PCDHA3: variants seen among roughly 807,000 people sequenced by gnomAD.
PCDHA3 encodes the protein protocadherin alpha-3.
A neutral mutation model predicts 62.2 loss-of-function variants in PCDHA3; 41 were observed. That is an observed-to-expected ratio of 0.66 (90% CI 0.51 to 0.86). PCDHA3 has a LOEUF of 0.86. Ranked by LOEUF, PCDHA3 falls within the 40% of genes least tolerant of loss-of-function variation. The pLI is 0.00. For missense variants in PCDHA3, 1,304 were observed against 1,241.2 expected (o/e 1.05, Z -0.76); for synonymous variants, 640 against 555.4 (o/e 1.15, Z -2.14).
intron 3 of PCDHA3, among the ~76,000 whole-genome samples, chr5:140,991,200 A>C (rs2097437692): frequency 6.6e-6 from 1 of 152,234 alleles, no homozygotes; most frequent in Admixed American, 6.5e-5. Context: ...AATGATGCTC[A>C]ATAAATTTTG....
rs368166956 is a variant in PCDHA3, at chr5:140,870,187, G to T, written c.2394+66596G>T. On this transcript the variant is annotated intron_variant, in intron 1 of 3. Coordinates refer to ENST00000522353, the MANE Select transcript of PCDHA3 (RefSeq NM_018906.3). Reference sequence around the variant, plus strand: ...CTTGTCCCTCCCAGTACGAGAGGACGCTCAGCCCAGCACGGTCATTGCCCT... The same window carrying T: ...CTTGTCCCTCCCAGTACGAGAGGACTCTCAGCCCAGCACGGTCATTGCCCT... 55 of 1,614,092 alleles carry T rather than the reference G, an allele frequency of 3.4e-5. No individual in the cohort carries two copies. The African/African-American group carries it at 6.5e-4, about 19-fold the overall frequency.
At chr5:140,946,546 A>G (rs1418590491) in intron 1 of PCDHA3, among the ~76,000 whole-genome samples, 5 of 150,480 alleles carry the variant, frequency 3.3e-5, no homozygotes, top group Admixed American at 1.3e-4. Flanking sequence ...AGCATTATTC[A>G]TGATAGTTCA....
chr5:140,907,914 T>A (rs2073690399), intron 1 of PCDHA3, among the ~76,000 whole-genome samples: 4 of 152,242 alleles, frequency 2.6e-5, no homozygotes, highest in Admixed American at 1.3e-4. Context: ...TTTTGACCAC[T>A]CAGAGAGGTC....
chr5:140,967,908 A>G (rs554849478), intron 1 of PCDHA3: 5 of 1,614,138 alleles, frequency 3.1e-6, no homozygotes, highest in East Asian at 2.2e-5. Flanking sequence ...GCTACACCCA[A>G]CACCATTGTG....
chr5:140,909,945 A>C (rs540241627), intron 1 of PCDHA3, among the ~76,000 whole-genome samples: 3 of 152,316 alleles, frequency 2.0e-5, no homozygotes, highest in Non-Finnish European at 4.4e-5. Context: ...ACTCTGGTAA[A>C]AAGCCGTAGG....
chr5:140,821,618 T>C, intron 1 of PCDHA3: 1 of 858,038 alleles, frequency 1.2e-6, no homozygotes, highest in Non-Finnish European at 1.7e-6. Context: ...TGAGTAGATT[T>C]TCCTTAGACA....
chr5:140,875,832 C>T, intron 1 of PCDHA3: 1 of 1,614,086 alleles, frequency 6.2e-7, no homozygotes, highest in Middle Eastern at 1.6e-4. Flanking sequence ...TCCATGTGGA[C>T]GTGGAGGTGA....
At chr5:140,947,106 C>T (rs1172898991) in intron 1 of PCDHA3, among the ~76,000 whole-genome samples, 2 of 151,140 alleles carry the variant, frequency 1.3e-5, no homozygotes, top group Non-Finnish European at 3.0e-5. Context: ...TAAATAGGTA[C>T]GTGTCAATTA....
intron 1 of PCDHA3, among the ~76,000 whole-genome samples, chr5:140,973,724 G>T (rs1272606867): frequency 6.6e-6 from 1 of 152,176 alleles, no homozygotes; most frequent in Non-Finnish European, 1.5e-5. Context: ...CATCACATGG[G>T]CATCTGGTCT....
At chr5:140,853,340 G>A (rs1398968821) in intron 1 of PCDHA3, 1 of 983,496 alleles carries the variant, frequency 1.0e-6, no homozygotes, top group East Asian at 1.1e-4. Flanking sequence ...GAGGTCATTA[G>A]CAAACATGAA....
At chr5:140,947,302 C>G (rs1390442873) in intron 1 of PCDHA3, among the ~76,000 whole-genome samples, 2 of 151,504 alleles carry the variant, frequency 1.3e-5, no homozygotes, top group Non-Finnish European at 3.0e-5. Flanking sequence ...ATCTTGACAT[C>G]TTTGTAAAAA....
intron 1 of PCDHA3, chr5:140,869,342 A>G (rs782505088): frequency 1.2e-6 from 2 of 1,614,050 alleles, no homozygotes; most frequent in Admixed American, 3.3e-5. Flanking sequence ...GTAAATCTGC[A>G]GAATGGCATT....
chr5:140,966,409 G>C (rs1234170283), intron 1 of PCDHA3: 1 of 419,144 alleles, frequency 2.4e-6, no homozygotes, highest in African/African-American at 2.1e-5. Context: ...CGCGGAATCA[G>C]AGCAGGACTT....
intron 1 of PCDHA3, among the ~76,000 whole-genome samples, chr5:140,920,648 A>G (rs1465559942): frequency 1.3e-5 from 2 of 152,148 alleles, no homozygotes; most frequent in Non-Finnish European, 2.9e-5. Flanking sequence ...GATTGAGACC[A>G]TCCTTGCCAA....
intron 1 of PCDHA3, among the ~76,000 whole-genome samples, chr5:140,945,559 A>T (rs1365534966): frequency 6.6e-6 from 1 of 152,096 alleles, no homozygotes; most frequent in Non-Finnish European, 1.5e-5. Flanking sequence ...GAAGCTGAAG[A>T]CATCATACTA....
intron 1 of PCDHA3, among the ~76,000 whole-genome samples, chr5:140,946,637 G>T: frequency 1.5e-5 from 1 of 64,620 alleles, no homozygotes; most frequent in African/African-American, 1.0e-4. Flanking sequence ...TATATACAAT[G>T]GAATACTCAT....
intron 3 of PCDHA3, among the ~76,000 whole-genome samples, chr5:141,007,033 T>C (rs1357363669): frequency 6.6e-6 from 1 of 152,120 alleles, no homozygotes; most frequent in Non-Finnish European, 1.5e-5. Flanking sequence ...GGTATTTATA[T>C]CTATGGATAT....
At chr5:140,943,332 A>G (rs2093478817) in intron 1 of PCDHA3, among the ~76,000 whole-genome samples, 1 of 151,830 alleles carries the variant, frequency 6.6e-6, no homozygotes, top group Non-Finnish European at 1.5e-5. Flanking sequence ...TGTAGTATCC[A>G]TTGGACAGGA....
chr5:140,869,509 A>G (rs199564677), intron 1 of PCDHA3: 13 of 1,614,206 alleles, frequency 8.1e-6, no homozygotes, highest in Middle Eastern at 1.6e-4. Context: ...GTTCTCGCTC[A>G]GAGAACAAAA....
Sources: allele counts gnomAD v4.1 joint callset (sites outside exome capture counted in the v4.1 genomes callset), GRCh38; gene constraint gnomAD v4.1.1; transcripts MANE v1.5; gene names NCBI Gene and HGNC (gene_info 2026-07-23, HGNC 2026-07-21).